The following RBMS1 variants were observed in gnomAD, a reference collection of about 807,000 sequenced individuals.
The protein encoded by RBMS1 is RNA-binding motif, single-stranded-interacting protein 1.
Under a neutral mutation model 62.3 loss-of-function variants are expected in RBMS1, and 17 were observed. The observed-to-expected ratio is 0.27, with a 90% CI of 0.19 to 0.41. RBMS1 has a LOEUF of 0.41. Among genes scored for constraint, RBMS1 ranks in the 10% least tolerant of loss-of-function variants. RBMS1 has a pLI of 1.00. For synonymous variants in RBMS1, 172 were observed against 170.0 expected (o/e 1.01, Z -0.09); for missense variants, 334 against 504.5 (o/e 0.66, Z 3.24).
intron 1 of RBMS1, among the ~76,000 whole-genome samples, chr2:160,439,738 A>C (rs10185744): frequency 6.6e-6 from 1 of 152,054 alleles, no homozygotes; most frequent in African/African-American, 2.4e-5. Context: ...AGCCGAGATC[A>C]TGCCACTGCA....
At chr2:160,356,723 A>C (rs1325976630) in intron 2 of RBMS1, among the ~76,000 whole-genome samples, 1 of 152,198 alleles carries the variant, frequency 6.6e-6, no homozygotes, top group East Asian at 1.9e-4. Context: ...CCAGAACCAT[A>C]GCCAAATTAA....
chr2:160,412,101 G>C (rs1179088856), intron 1 of RBMS1, among the ~76,000 whole-genome samples: 1 of 152,178 alleles, frequency 6.6e-6, no homozygotes, highest in Non-Finnish European at 1.5e-5. Context: ...CAGTATCAGA[G>C]ATCACTCTCA....
chr2:160,482,612 G>C (rs1178767046), intron 1 of RBMS1, among the ~76,000 whole-genome samples: 1 of 152,116 alleles, frequency 6.6e-6, no homozygotes, highest in Admixed American at 6.5e-5. Flanking sequence ...TTTGCTAATA[G>C]AAGAACTATG....
Position 160,367,235 on chromosome 2 carries a change from G to A in RBMS1, c.232C>T (p.Leu78=). 6.2e-7 allele frequency: 1 copy of A among 1,613,672 alleles called. No homozygotes were observed. Among genetic ancestry groups the A allele is most frequent in the African/African-American group, 1.3e-5 (1 of 75,018 alleles). ...ACTTACGGTTGACAGAGCTTCACCAGGTCCTGGTCGGTGGTGTGGGGAGGC... is the reference window on the plus strand; with the variant it reads ...ACTTACGGTTGACAGAGCTTCACCAAGTCCTGGTCGGTGGTGTGGGGAGGC... The part of the protein sequence containing the change: ...GLPPHTTDQD[L]VKLCQPYGKI... The change falls in exon 2 of 14, where the codon CTG becomes TTG. Residue 78 remains leucine, a synonymous_variant. Coordinates refer to ENST00000348849, the MANE Select transcript of RBMS1 (RefSeq NM_016836.4).
chr2:160,490,527 G>A (rs1685779215), intron 1 of RBMS1, among the ~76,000 whole-genome samples: 1 of 151,866 alleles, frequency 6.6e-6, no homozygotes, highest in Admixed American at 6.6e-5. Context: ...TACCAATATG[G>A]TCATTTGCTC....
Position 160,274,356 on chromosome 2 carries a change from C to A in RBMS1, c.*416G>T, listed in dbSNP as rs1047693374. On this transcript the variant is annotated 3_prime_UTR_variant, in exon 14 of 14. Transcript: ENST00000348849. ...ATTTCATACAGCTGGAAAAAAAAAA[C>A]ACAAATTAAACACAAAATGAACAAA... 2.0e-5 allele frequency: 3 copies of A among 150,552 alleles called. No individual in the cohort carries two copies. The highest frequency in any genetic ancestry group is 4.5e-5 in the Non-Finnish European group (3 of 67,370). The allele number at this position is 150,552 out of a possible 1,614,324, so 9.3% of individuals were successfully genotyped here. A position where few individuals can be genotyped will look rare whatever the true frequency, so the allele number is the denominator to read the frequency against.
intron 1 of RBMS1, among the ~76,000 whole-genome samples, chr2:160,390,856 G>T (rs1475823333): frequency 6.9e-6 from 1 of 145,528 alleles, no homozygotes; most frequent in Non-Finnish European, 1.5e-5. Context: ...TTTCTGTAAA[G>T]AAATATCTTC....
chr2:160,493,323 G>A lies in RBMS1; in HGVS notation c.41C>T (p.Ala14Val). Residue 14 changes from alanine (A) to valine (V), a missense_variant, in exon 1 of 14, where the codon GCC (alanine) becomes GTC (valine). Around this residue, in one of 3 missense-constraint regions of RBMS1, gnomAD observed 150 missense variants for 228.0 expected, o/e 0.66. Coordinates refer to ENST00000348849, the MANE Select transcript of RBMS1 (RefSeq NM_016836.4). ...VWKQQMYPQY[A>V]TYYYPQYLQA... ...CAGATACTGGGGGTAATAGTAGGTG[G>A]CGTACTGAGGGTACATCTGCTGTTT... The A allele has an allele frequency of 6.2e-7, 1 of 1,613,534 alleles. No homozygotes were observed. The highest frequency in any genetic ancestry group is 1.1e-5 in the South Asian group (1 of 91,064).
chr2:160,488,171 T>G (rs993346600), intron 1 of RBMS1, among the ~76,000 whole-genome samples: 1 of 152,230 alleles, frequency 6.6e-6, no homozygotes, highest in African/African-American at 2.4e-5. Context: ...AAATTACATT[T>G]TGCTCTGTAT....
chr2:160,447,658 G>C (rs1683713961), intron 1 of RBMS1, among the ~76,000 whole-genome samples: 1 of 152,196 alleles, frequency 6.6e-6, no homozygotes, highest in African/African-American at 2.4e-5. Context: ...ATATAGTGCA[G>C]GACATTCCTG....
intron 2 of RBMS1, among the ~76,000 whole-genome samples, chr2:160,338,729 T>G (rs1482799920): frequency 6.6e-6 from 1 of 152,212 alleles, no homozygotes; most frequent in East Asian, 1.9e-4. Context: ...GTTGAATTGA[T>G]TTTTTAATTT....
At chr2:160,294,280 C>T (rs575705385) in intron 6 of RBMS1, among the ~76,000 whole-genome samples, 1 of 152,280 alleles carries the variant, frequency 6.6e-6, no homozygotes, top group South Asian at 2.1e-4. Flanking sequence ...TGACATCAGA[C>T]ACAAAAGCAC....
At chr2:160,432,461 C>T (rs947441940) in intron 1 of RBMS1, 1 of 152,180 alleles carries the variant, frequency 6.6e-6, no homozygotes, top group Middle Eastern at 3.2e-3. Flanking sequence ...ACTTGGTATT[C>T]CCGAATGCCT....
chr2:160,424,396 C>T lies in RBMS1; in HGVS notation c.76-57005G>A, dbSNP rs138197487. ...GGGGGGGAAACAAAAAGAAAGATGT[C>T]TCATACTTATTAGCACTCTTACTGT... On this transcript the variant is annotated intron_variant, in intron 1 of 13. Transcript: ENST00000348849. Among the ~76,000 whole-genome samples, 368 of 150,752 alleles carry T rather than the reference C, an allele frequency of 2.4e-3. 1 individual carries two copies. Among genetic ancestry groups the T allele is most frequent in the African/African-American group, 8.4e-3 (341 of 40,660 alleles).
At chr2:160,454,065 A>G (rs531216612) in intron 1 of RBMS1, among the ~76,000 whole-genome samples, 1 of 152,292 alleles carries the variant, frequency 6.6e-6, no homozygotes, top group East Asian at 1.9e-4. Context: ...TCCTGCTTAT[A>G]CTGAGTTCTA....
At chr2:160,296,785 A>G (rs1341866621) in intron 6 of RBMS1, among the ~76,000 whole-genome samples, 1 of 152,206 alleles carries the variant, frequency 6.6e-6, no homozygotes, top group East Asian at 1.9e-4. Context: ...TTTTGCATAG[A>G]AAAAGTGGCA....
At chr2:160,391,449 AAC>A (rs1427088260) in intron 1 of RBMS1, among the ~76,000 whole-genome samples, 4 of 151,966 alleles carry the variant, frequency 2.6e-5, no homozygotes, top group Non-Finnish European at 4.4e-5. Context: ...GTGTTTAAGA[AAC>A]ACAGTTTGTA....
chr2:160,298,425 A>AT (rs1689051978), intron 6 of RBMS1, among the ~76,000 whole-genome samples: 1 of 152,212 alleles, frequency 6.6e-6, no homozygotes, highest in South Asian at 2.1e-4. Flanking sequence ...ATGACTATGA[A>AT]TATAAGTAGT....
intron 1 of RBMS1, among the ~76,000 whole-genome samples, chr2:160,446,970 C>T (rs1000066606): frequency 7.2e-5 from 11 of 152,242 alleles, no homozygotes; most frequent in African/African-American, 2.7e-4. Flanking sequence ...CCAACACCAC[C>T]TTGCACCCCT....
Sources: allele counts gnomAD v4.1 joint callset (sites outside exome capture counted in the v4.1 genomes callset), GRCh38; gene constraint gnomAD v4.1.1; regional missense constraint gnomAD v4.1.1; transcripts MANE v1.5; gene names NCBI Gene and HGNC (gene_info 2026-07-23, HGNC 2026-07-21).